LUZP2: variants seen among roughly 807,000 people sequenced by gnomAD.
LUZP2 encodes leucine zipper protein 2.
Under a neutral mutation model 51.6 loss-of-function variants are expected in LUZP2, and 52 were observed. The ratio of observed to expected loss-of-function variants is 1.01; its 90% confidence interval spans 0.81 to 1.27. The LOEUF (loss-of-function observed/expected upper bound fraction) is 1.27, where lower values mean the gene tolerates loss of function less well. LUZP2 is among the 50% of genes most tolerant of loss of function. LUZP2 has a pLI of 0.00. For synonymous variants in LUZP2, 154 were observed against 137.3 expected, an observed-to-expected ratio of 1.12 and a Z score of -0.85; for missense variants, 436 against 395.4, an observed-to-expected ratio of 1.10 and a Z score of -0.87.
intron 4 of LUZP2, among the ~76,000 whole-genome samples, chr11:24,749,506 G>T (rs747114974): frequency 2.0e-5 from 3 of 152,052 alleles, no homozygotes; most frequent in African/African-American, 4.8e-5. Flanking sequence ...TCTGTGGACT[G>T]GGGGAGAAAG....
chr11:24,976,745 A>G (rs983545536), intron 8 of LUZP2, 80 bp downstream of exon 8: 4 of 699,360 alleles, frequency 5.7e-6, no homozygotes, highest in Middle Eastern at 2.7e-4. Flanking sequence ...AAGTATGCTC[A>G]TTGCTTTTCT....
chr11:24,945,291 G>A (rs1028275895), intron 7 of LUZP2, among the ~76,000 whole-genome samples: 4 of 152,164 alleles, frequency 2.6e-5, no homozygotes, highest in Non-Finnish European at 4.4e-5. Context: ...ATAAGATACA[G>A]AGAGATGTTT....
rs1325427290 is a variant in LUZP2 at position 24,742,075 on chromosome 11, A to ATATC, written c.333+3774_333+3775insATCT. 1.1e-4 allele frequency among the ~76,000 whole-genome samples: 16 copies of ATATC among 140,628 alleles called. No homozygotes were observed. The South Asian group carries it at 2.3e-3, about 20-fold the overall frequency. 92.3% of individuals were successfully genotyped at this position (140,628 alleles called of 152,430 possible). ...AATATAATTATATATATATATATAT[A>ATATC]TCACCATTTCTTTATCCACTTGTTG... On this transcript the variant is annotated intron_variant, in intron 4 of 11. Coordinates refer to ENST00000336930, the MANE Select transcript of LUZP2 (RefSeq NM_001009909.4).
Position 25,072,517 on chromosome 11 carries a change from G to A in LUZP2, c.859-4812G>A, listed in dbSNP as rs189280635. The stretch of plus-strand genomic sequence containing the variant: ...TATTTCATTTGTGTGGCCAAAAAGG[G>A]AAAAATAAAAATACATTTGTGGAAG... On this transcript the variant is annotated intron_variant, in intron 10 of 11. Coordinates refer to ENST00000336930, the MANE Select transcript of LUZP2 (RefSeq NM_001009909.4). Among the ~76,000 whole-genome samples, 710 of 152,108 alleles carry A rather than the reference G, an allele frequency of 4.7e-3. 3 individuals are homozygous for A. Among genetic ancestry groups the A allele is most frequent in the Admixed American group, 9.1e-3 (139 of 15,254 alleles).
chr11:24,516,188 C>T (rs1165405613), intron 1 of LUZP2, among the ~76,000 whole-genome samples: 1 of 152,044 alleles, frequency 6.6e-6, no homozygotes, highest in Non-Finnish European at 1.5e-5. Flanking sequence ...TTTTAAAGAC[C>T]TGACACTTAC....
At chr11:25,007,549 G>A (rs1049760126) in intron 9 of LUZP2, among the ~76,000 whole-genome samples, 1 of 152,116 alleles carries the variant, frequency 6.6e-6, no homozygotes, top group African/African-American at 2.4e-5. Context: ...GTTGCAGTGG[G>A]CCGAGCTCAC....
At chr11:24,814,401 A>C (rs769534050) in intron 5 of LUZP2, among the ~76,000 whole-genome samples, 7 of 152,150 alleles carry the variant, frequency 4.6e-5, no homozygotes, top group Non-Finnish European at 1.0e-4. Flanking sequence ...GATAAAAGAG[A>C]AGTCTTCATC....
At chr11:24,588,374 G>A (rs1295863131) in intron 1 of LUZP2, among the ~76,000 whole-genome samples, 1 of 152,114 alleles carries the variant, frequency 6.6e-6, no homozygotes, top group Admixed American at 6.6e-5. Flanking sequence ...CAATGCATGG[G>A]CTGAGTGGTC....
intron 5 of LUZP2, among the ~76,000 whole-genome samples, chr11:24,835,386 G>A (rs1850832967): frequency 6.6e-6 from 1 of 152,040 alleles, no homozygotes; most frequent in African/African-American, 2.4e-5. Flanking sequence ...TACCATTCAG[G>A]ACATAGGCAT....
At chr11:24,594,260 G>T (rs2133848229) in intron 1 of LUZP2, among the ~76,000 whole-genome samples, 1 of 152,242 alleles carries the variant, frequency 6.6e-6, no homozygotes, top group Non-Finnish European at 1.5e-5. Flanking sequence ...TCTGGAATAT[G>T]TCAATGACTT....
chr11:24,891,171 A>C (rs1353635529), intron 5 of LUZP2: 1 of 985,102 alleles, frequency 1.0e-6, no homozygotes, highest in Non-Finnish European at 1.2e-6. Flanking sequence ...CTTAACCGAC[A>C]GTATCTAATG....
intron 9 of LUZP2, among the ~76,000 whole-genome samples, chr11:25,019,026 C>T (rs1857249377): frequency 6.6e-6 from 1 of 152,168 alleles, no homozygotes; most frequent in African/African-American, 2.4e-5. Context: ...TGCAGCCTCC[C>T]ACATTATCAA....
chr11:24,897,413 T>A (rs1234911388), intron 5 of LUZP2, among the ~76,000 whole-genome samples: 2 of 152,156 alleles, frequency 1.3e-5, no homozygotes, highest in Non-Finnish European at 2.9e-5. Context: ...GCTGTAACAC[T>A]CATTGCGAAG....
At chr11:24,852,022 G>C (rs2134224632) in intron 5 of LUZP2, among the ~76,000 whole-genome samples, 1 of 151,946 alleles carries the variant, frequency 6.6e-6, no homozygotes, top group East Asian at 1.9e-4. Context: ...TATTAGTCTG[G>C]CTAGCAGTAT....
chr11:24,704,349 C>A (rs949637124), intron 1 of LUZP2, among the ~76,000 whole-genome samples: 11 of 151,852 alleles, frequency 7.2e-5, no homozygotes, highest in Middle Eastern at 6.8e-3. Flanking sequence ...AAAAATATTT[C>A]TTTCCTTAGC....
intron 5 of LUZP2, among the ~76,000 whole-genome samples, chr11:24,853,350 A>G (rs144406753): frequency 1.3e-5 from 2 of 152,148 alleles, no homozygotes; most frequent in African/African-American, 4.8e-5. Flanking sequence ...TTTGCTGGAT[A>G]TAAAATTCTT....
intron 5 of LUZP2, among the ~76,000 whole-genome samples, chr11:24,782,137 T>A (rs1190685048): frequency 1.3e-5 from 2 of 152,044 alleles, no homozygotes; most frequent in Non-Finnish European, 2.9e-5. Context: ...CAATCTGCAT[T>A]CCCTAAATTT....
rs1351702887 is a variant in LUZP2 at position 25,078,489 on chromosome 11, T to G, written c.937-65T>G. 3 of 1,307,472 alleles carry G rather than the reference T, an allele frequency of 2.3e-6. No individual in the cohort carries two copies. In the African/African-American group the frequency reaches 4.4e-5, roughly 19 times the overall value. 81.0% of individuals were successfully genotyped at this position (1,307,472 alleles called of 1,614,324 possible). ...TTCCATTCTTATTCTTTTAGACTTTTCAATTTTTACCTTAAAATGTGTTAT... is the reference window on the plus strand; with the variant it reads ...TTCCATTCTTATTCTTTTAGACTTTGCAATTTTTACCTTAAAATGTGTTAT... On this transcript the variant is annotated intron_variant, in intron 11 of 11. Coordinates refer to ENST00000336930, the MANE Select transcript of LUZP2 (RefSeq NM_001009909.4).
intron 1 of LUZP2, among the ~76,000 whole-genome samples, chr11:24,596,293 G>A (rs563939759): frequency 3.3e-5 from 5 of 152,144 alleles, no homozygotes; most frequent in Non-Finnish European, 7.4e-5. Context: ...AATACTCATA[G>A]ATAAGAAAGA....
Sources: allele counts gnomAD v4.1 joint callset (sites outside exome capture counted in the v4.1 genomes callset), GRCh38; gene constraint gnomAD v4.1.1; transcripts MANE v1.5; gene names NCBI Gene and HGNC (gene_info 2026-07-23, HGNC 2026-07-21).